SMYD3: variants seen among roughly 807,000 people sequenced by gnomAD.
The protein encoded by SMYD3 is SET and MYND domain containing 3.
In SMYD3, 36 loss-of-function variants were observed where a neutral mutation model predicts 57.7. The ratio of observed to expected loss-of-function variants is 0.62; its 90% CI spans 0.48 to 0.82. SMYD3 has a LOEUF of 0.82. Ranked by LOEUF, SMYD3 falls within the 40% of genes least tolerant of loss-of-function variation. The pLI is 0.00. For missense variants in SMYD3, 515 were observed against 538.8 expected (o/e 0.96, Z 0.44); for synonymous variants, 211 against 195.0 (o/e 1.08, Z -0.68).
intron 5 of SMYD3, among the ~76,000 whole-genome samples, chr1:245,938,703 C>T (rs1414916913): frequency 1.3e-5 from 2 of 152,106 alleles, no homozygotes; most frequent in Non-Finnish European, 2.9e-5. Flanking sequence ...GATTTCAATG[C>T]AAGGATATCA....
In SMYD3 at chr1:246,313,111, G is replaced by T. The variant is rs573213998; in HGVS notation, c.531+14090C>A. 5.3e-5 allele frequency among the ~76,000 whole-genome samples: 8 copies of T among 152,086 alleles called. 1 individual carries two copies. The highest frequency in any genetic ancestry group is 1.9e-4 in the African/African-American group (8 of 41,480). On this transcript the variant is annotated intron_variant, in intron 5 of 11. Transcript: ENST00000490107. ...TTGTAGAGATGGGTTTTGTCATGTT[G>T]CCCAGGCTGGTCTCCAACTCCTGAG... is the stretch of plus-strand genomic sequence containing the variant.
intron 1 of SMYD3, among the ~76,000 whole-genome samples, chr1:246,455,544 C>T (rs1309677264): frequency 6.6e-6 from 1 of 152,194 alleles, no homozygotes; most frequent in Non-Finnish European, 1.5e-5. Context: ...TTTAGGGACA[C>T]TGAGCCTCCA....
chr1:246,327,153 G>C, intron 5 of SMYD3, 48 bp downstream of exon 5: 2 of 1,608,356 alleles, frequency 1.2e-6, no homozygotes, highest in Non-Finnish European at 1.7e-6. Flanking sequence ...AAAATAAGGA[G>C]CAAATGGTTG....
chr1:246,041,798 T>A (rs1435912854), intron 5 of SMYD3, among the ~76,000 whole-genome samples: 1 of 151,310 alleles, frequency 6.6e-6, no homozygotes, highest in East Asian at 1.9e-4. Flanking sequence ...TCAATCTAGA[T>A]GGTATGTAAT....
intron 10 of SMYD3, among the ~76,000 whole-genome samples, chr1:245,774,658 T>C (rs1375180006): frequency 8.0e-6 from 1 of 125,738 alleles, no homozygotes. Context: ...CTCCCTCTCT[T>C]TCCACCGTCT....
chr1:246,107,100 C>CCATCCTGGCTAA (rs371948645), intron 5 of SMYD3, among the ~76,000 whole-genome samples: 14,357 of 133,142 alleles, frequency 0.11, 1,235 homozygotes, highest in East Asian at 0.28. Flanking sequence ...GAGATCGAGA[C>CCATCCTGGCTAA]CACGGTGAAA....
At chr1:246,069,143 C>T (rs567450224) in intron 5 of SMYD3, among the ~76,000 whole-genome samples, 1 of 152,210 alleles carries the variant, frequency 6.6e-6, no homozygotes, top group Non-Finnish European at 1.5e-5. Flanking sequence ...CCCAGTCACA[C>T]AGCCTGTCTG....
chr1:246,101,102 C>G (rs1303268625), intron 5 of SMYD3, among the ~76,000 whole-genome samples: 2 of 88,784 alleles, frequency 2.3e-5, no homozygotes, highest in South Asian at 7.8e-4. Flanking sequence ...TTTTTTTTTA[C>G]AGAGTAAGAC....
At chr1:246,023,530 G>A (rs2059511772) in intron 5 of SMYD3, among the ~76,000 whole-genome samples, 2 of 151,548 alleles carry the variant, frequency 1.3e-5, no homozygotes, top group Non-Finnish European at 2.9e-5. Flanking sequence ...TACTATTTTA[G>A]CATTGTCAAG....
intron 5 of SMYD3, among the ~76,000 whole-genome samples, chr1:246,247,417 C>T (rs924206927): frequency 3.3e-5 from 5 of 151,418 alleles, no homozygotes; most frequent in Admixed American, 1.3e-4. Flanking sequence ...TTGCCTCTAG[C>T]ACTGTGGTTT....
At chr1:246,058,329 G>C (rs975258830) in intron 5 of SMYD3, among the ~76,000 whole-genome samples, 5 of 152,116 alleles carry the variant, frequency 3.3e-5, no homozygotes, top group Non-Finnish European at 1.5e-5. Context: ...TGTTGGAGGT[G>C]GGGGAGGAGG....
intron 10 of SMYD3, among the ~76,000 whole-genome samples, chr1:245,839,270 C>T (rs1271630285): frequency 3.9e-5 from 6 of 152,178 alleles, no homozygotes; most frequent in African/African-American, 1.2e-4. Context: ...CCCGGGTTCA[C>T]GCCATTCTCC....
chr1:246,311,646 T>C (rs899106309), intron 5 of SMYD3, among the ~76,000 whole-genome samples: 2 of 152,184 alleles, frequency 1.3e-5, no homozygotes, highest in Non-Finnish European at 2.9e-5. Context: ...GTGACACGCA[T>C]ACACACACGC....
At chr1:246,182,204 A>C (rs1301949078) in intron 5 of SMYD3, among the ~76,000 whole-genome samples, 1 of 152,094 alleles carries the variant, frequency 6.6e-6, no homozygotes, top group Non-Finnish European at 1.5e-5. Context: ...AAAACTTGTA[A>C]AACTCCATCC....
intron 5 of SMYD3, among the ~76,000 whole-genome samples, chr1:246,098,184 C>G (rs559780000): frequency 6.6e-6 from 1 of 152,170 alleles, no homozygotes; most frequent in African/African-American, 2.4e-5. Flanking sequence ...TCAATGCACA[C>G]ATGCAAATCA....
chr1:246,404,072 G>A (rs139773796), intron 1 of SMYD3, among the ~76,000 whole-genome samples: 87 of 152,210 alleles, frequency 5.7e-4, no homozygotes, highest in African/African-American at 2.0e-3. Context: ...AATAAATAAA[G>A]CCAGCCAGCA....
intron 5 of SMYD3, among the ~76,000 whole-genome samples, chr1:246,019,669 G>C (rs1254455234): frequency 1.3e-5 from 2 of 152,016 alleles, no homozygotes; most frequent in Non-Finnish European, 2.9e-5. Flanking sequence ...AGATTACCTA[G>C]GTCCATCTGT....
At chr1:246,436,900 CTTTT>C (rs61263648) in intron 1 of SMYD3, among the ~76,000 whole-genome samples, 3 of 128,434 alleles carry the variant, frequency 2.3e-5, no homozygotes, top group East Asian at 2.4e-4. Context: ...GAGTTTCTTT[CTTTT>C]TTTTTTTTTT....
At chr1:246,444,899 A>C (rs932334237) in intron 1 of SMYD3, among the ~76,000 whole-genome samples, 2 of 152,246 alleles carry the variant, frequency 1.3e-5, no homozygotes, top group Admixed American at 6.5e-5. Context: ...CAAATTTGAC[A>C]TAGGGGTGCA....
Sources: gnomAD v4.1 joint callset for allele counts (sites outside exome capture counted in the v4.1 genomes callset) on GRCh38, gnomAD v4.1.1 for gene constraint, MANE v1.5 for transcripts, NCBI Gene and HGNC (gene_info 2026-07-23, HGNC 2026-07-21) for gene names.